SLC25A1: variants seen among roughly 807,000 people sequenced by gnomAD.
The protein encoded by SLC25A1 is solute carrier family 25 member 1.
SLC25A1 carries 26 observed loss-of-function variants against 38.1 expected under a neutral mutation model. The observed-to-expected ratio is 0.68, with a 90% CI of 0.50 to 0.95. SLC25A1 has a LOEUF of 0.95. SLC25A1 is among the 40% of genes least tolerant of loss of function. SLC25A1 has a pLI of 0.00. For synonymous variants in SLC25A1, 211 were observed against 183.2 expected (o/e 1.15, Z -1.23); for missense variants, 378 against 426.6 (o/e 0.89, Z 1.00).
intron 8 of SLC25A1, 26 bp downstream of exon 8, chr22:19,176,394 CA>C (rs1555922263): frequency 6.2e-7 from 1 of 1,608,562 alleles, no homozygotes; most frequent in Non-Finnish European, 8.5e-7. Flanking sequence ...GAGGTGGGGA[CA>C]ATAGCCCTGC....
Position 19,176,062 on chromosome 22 carries a change from A to C in SLC25A1, c.*68T>G, listed in dbSNP as rs1234289525. ...GGCCTTTTGGCACTACTGCACTGGA[A>C]TCGTGAGACAAAGGTAGCAGGACAC... On this transcript the variant is annotated 3_prime_UTR_variant, in exon 9 of 9. Transcript: ENST00000215882. The C allele has an allele frequency of 3.9e-6, 4 of 1,017,222 alleles. No homozygotes were observed. The highest frequency in any genetic ancestry group is 5.6e-6 in the Non-Finnish European group (4 of 716,024). 63.0% of individuals were successfully genotyped at this position (1,017,222 alleles called of 1,614,324 possible).
In SLC25A1 at chr22:19,178,005, A is replaced by G. The variant is rs782646725; in HGVS notation, c.239T>C (p.Val80Ala). ...CVRQTVRSHG[V>A]LGLYRGLSSL... is the part of the protein sequence containing the mutation. ...GCTAAGGCCGCGGTACAGGCCCAGG[A>G]CGCCATGGCTGCGAACCGTCTGCCG... is the stretch of plus-strand genomic sequence containing the variant. Residue 80 changes from valine to alanine, a missense_variant, in exon 3 of 9, where the codon GTC becomes GCC. Physicochemically the swap from Val to Ala is moderately conservative, Grantham distance 64. Coordinates refer to ENST00000215882, the MANE Select transcript of SLC25A1 (RefSeq NM_005984.5). The surrounding 1 kb of genome is among the most constrained non-coding windows in gnomAD (Gnocchi z 4.9). 6.2e-6 allele frequency: 10 copies of G among 1,602,404 alleles called. No individual in the cohort carries two copies. In the South Asian group the frequency reaches 1.1e-4, roughly 18 times the overall value.
intron 4 of SLC25A1, 46 bp downstream of exon 4, chr22:19,177,681 T>G (rs1555922871): frequency 6.3e-7 from 1 of 1,599,426 alleles, no homozygotes; most frequent in African/African-American, 1.3e-5. Context: ...GCCGCCCGTC[T>G]CCGTACTCCC....
At chr22:19,177,006 TTGG>T (rs1265761810) in intron 5 of SLC25A1, 56 bp from the exon 6 acceptor site, 1 of 1,597,918 alleles carries the variant, frequency 6.3e-7, no homozygotes, top group African/African-American at 1.3e-5. Context: ...CGGTTGGGAA[TTGG>T]TGTGTGTGGG....
rs1055622295 is a variant in SLC25A1, at chr22:19,178,127, C to T, written c.202+6G>A. 1 of 1,542,656 alleles carries T rather than the reference C, an allele frequency of 6.5e-7. No homozygotes were observed. The highest frequency in any genetic ancestry group is 8.7e-7 in the Non-Finnish European group (1 of 1,143,970). On this transcript the variant is annotated splice_donor_region_variant and intron_variant, in intron 2 of 8. Coordinates refer to ENST00000215882, the MANE Select transcript of SLC25A1 (RefSeq NM_005984.5). The surrounding 1 kb of genome is among the most constrained non-coding windows in gnomAD (Gnocchi z 4.9). ...CCCCGCGGCGCCGCGGCCTCCCCCT[C>T]CTCACCGATGCCCCGGTACCGCGGC... is the stretch of plus-strand genomic sequence containing the variant.
Position 19,176,894 on chromosome 22 carries a change from G to A in SLC25A1, c.583C>T (p.Gln195Ter), listed in dbSNP as rs2083969707. ...TATVLKQGSN[Q>*]AIRFFVMTSL... ...GTCATGACGAAGAAGCGGATGGCCT[G>A]GTTCGAGCCCTGCTTCAGGACAGTG... Residue 195 changes from glutamine to a stop codon, truncating the protein, a stop_gained, in exon 6 of 9, where the codon CAG becomes TAG. Transcript: ENST00000215882. LOFTEE classifies it high-confidence loss of function. 2 of 1,613,742 alleles carry A rather than the reference G, an allele frequency of 1.2e-6. No individual in the cohort carries two copies. The highest frequency in any genetic ancestry group is 1.3e-5 in the African/African-American group (1 of 74,924).
In SLC25A1 at chr22:19,177,718, C is replaced by T. The variant is rs781820331; in HGVS notation, c.441+9G>A. The T allele has an allele frequency of 4.0e-5, 65 of 1,606,180 alleles. No homozygotes were observed. The highest frequency in any genetic ancestry group is 5.0e-5 in the Non-Finnish European group (59 of 1,179,424). ...GCGTGTCCGGGGTCCTCGCCAGGAC[C>T]TTCCCCACCTTGATGGTCTCCATGG... On this transcript the variant is annotated intron_variant, in intron 4 of 8. Transcript: ENST00000215882.
At position 19,176,464 on chromosome 22, in the gene SLC25A1, ACG is replaced by A; in HGVS notation, c.776_777del (p.Thr259MetfsTer39). Reference sequence around the variant, plus strand: ...TTCAGGATCTGCAAGCCGCAGTCCCACGTGTTCCGGTATTTGTGCGCCTCCAG... The same window carrying A: ...TTCAGGATCTGCAAGCCGCAGTCCCATGTTCCGGTATTTGTGCGCCTCCAG... ...QGLEAHKYRNTWDCGLQILKK... is the reference protein window; with the variant it reads ...QGLEAHKYRNXWDCGLQILKK... On this transcript the variant is annotated frameshift_variant, in exon 8 of 9. Coordinates refer to ENST00000215882, the MANE Select transcript of SLC25A1 (RefSeq NM_005984.5). LOFTEE classifies it high-confidence loss of function. The A allele has an allele frequency of 6.2e-7, 1 of 1,613,726 alleles. No individual in the cohort carries two copies. Among genetic ancestry groups the A allele is most frequent in the South Asian group, 1.1e-5 (1 of 91,080 alleles).
At position 19,178,407 on chromosome 22, in the gene SLC25A1, CA is replaced by C. The variant is rs2084007243; in HGVS notation, c.95-168del. 10 of 1,386,302 alleles carry C rather than the reference CA, an allele frequency of 7.2e-6. No homozygotes were observed. Among genetic ancestry groups the C allele is most frequent in the Non-Finnish European group, 8.4e-6 (9 of 1,075,124 alleles). 85.9% of individuals were successfully genotyped at this position (1,386,302 alleles called of 1,614,324 possible). On this transcript the variant is annotated intron_variant, in intron 1 of 8. Coordinates refer to ENST00000215882, the MANE Select transcript of SLC25A1 (RefSeq NM_005984.5). The surrounding 1 kb of genome is among the most constrained non-coding windows in gnomAD (Gnocchi z 4.9). Reference sequence around the variant, plus strand: ...CTCACCCCGTTGTCCCGGCGAGGCGCAGGGGGTGACAGACGGGAGGCGGGCG... The same window carrying C: ...CTCACCCCGTTGTCCCGGCGAGGCGCGGGGGTGACAGACGGGAGGCGGGCG...
In SLC25A1 at chr22:19,178,529, G is replaced by T; in HGVS notation, c.94+51C>A. 1 of 1,295,670 alleles carries T rather than the reference G, an allele frequency of 7.7e-7. No homozygotes were observed. The highest frequency in any genetic ancestry group is 1.6e-5 in the African/African-American group (1 of 64,266). 80.3% of individuals were successfully genotyped at this position (1,295,670 alleles called of 1,614,324 possible). ...GTGGGGCGGGGCCTCAGCGTCCCGG[G>T]CCCACCCAGAAGCGCGGCGGGAGAG... is the stretch of plus-strand genomic sequence containing the variant. On this transcript the variant is annotated intron_variant, in intron 1 of 8. Coordinates refer to ENST00000215882, the MANE Select transcript of SLC25A1 (RefSeq NM_005984.5). This position sits in a 1 kb window ranked among gnomAD's most constrained non-coding sequence, Gnocchi z 4.9.
At position 19,178,179 on chromosome 22, in the gene SLC25A1, C is replaced by G; in HGVS notation, c.156G>C (p.Gln52His). Residue 52 changes from glutamine (Q) to histidine (H), a missense_variant, in exon 2 of 9, where the codon CAG (glutamine) becomes CAC (histidine). Gln to His is a conservative substitution (Grantham distance 24). Transcript: ENST00000215882. The surrounding 1 kb of genome is among the most constrained non-coding windows in gnomAD (Gnocchi z 4.9). ...ITFPTEYVKT[Q>H]LQLDERSHPP... ...GGTGCGAGCGCTCGTCCAGCTGCAG[C>G]TGCGTCTTCACGTACTCGGTGGGGA... 6.4e-7 allele frequency: 1 copy of G among 1,552,948 alleles called. No individual in the cohort carries two copies. Among genetic ancestry groups the G allele is most frequent in the Non-Finnish European group, 8.7e-7 (1 of 1,149,200 alleles).
chr22:19,177,366 C>G (rs182529461), intron 4 of SLC25A1, among the ~76,000 whole-genome samples, 162 bp from the exon 5 acceptor site: 3 of 149,228 alleles, frequency 2.0e-5, no homozygotes, highest in African/African-American at 7.3e-5. Context: ...GACCATGCCC[C>G]GGGACACAGG....
intron 4 of SLC25A1, among the ~76,000 whole-genome samples, 177 bp downstream of exon 4, chr22:19,177,550 G>A (rs2083980292): frequency 6.6e-6 from 1 of 152,176 alleles, no homozygotes; most frequent in African/African-American, 2.4e-5. Flanking sequence ...CAGCCTCCAC[G>A]GGTGGCCCTT....
In SLC25A1 at chr22:19,176,151, G is replaced by A; in HGVS notation, c.915C>T (p.Asn305=). Residue 305 remains asparagine (N), a synonymous_variant, in exon 9 of 9, where the codon AAC becomes AAT. Transcript: ENST00000215882. ...VIYDEVVKLL[N]KVWKTD Reference sequence around the variant, plus strand: ...AGGCTTAGTCCGTCTTCCACACTTTGTTGAGCAGCTTCACCACTTCATCAT... The same window carrying A: ...AGGCTTAGTCCGTCTTCCACACTTTATTGAGCAGCTTCACCACTTCATCAT... 1 of 1,613,920 alleles carries A rather than the reference G, an allele frequency of 6.2e-7. No individual in the cohort carries two copies. Among genetic ancestry groups the A allele is most frequent in the Middle Eastern group, 1.7e-4 (1 of 6,040 alleles).
chr22:19,177,694 C>A (rs2083985391), intron 4 of SLC25A1, 33 bp downstream of exon 4: 1 of 1,602,400 alleles, frequency 6.2e-7, no homozygotes, highest in African/African-American at 1.3e-5. Context: ...GTACTCCCTG[C>A]GTGTCCGGGG....
chr22:19,177,811 C>T lies in SLC25A1; in HGVS notation c.357G>A (p.Leu119=), dbSNP rs1306032236. The change falls in exon 4 of 9, where the codon CTG becomes CTA. Residue 119 remains leucine, a synonymous_variant. Transcript: ENST00000215882. ...CGCACAGCAGCCCACGCGTGCTGTCCAGCCGTCCCTGGGCATCCCGCATGT... is the reference window on the plus strand; with the variant it reads ...CGCACAGCAGCCCACGCGTGCTGTCTAGCCGTCCCTGGGCATCCCGCATGT... ...SNHMRDAQGR[L]DSTRGLLCGL... 1 of 1,610,860 alleles carries T rather than the reference C, an allele frequency of 6.2e-7. No individual in the cohort carries two copies. Among genetic ancestry groups the T allele is most frequent in the Non-Finnish European group, 8.5e-7 (1 of 1,179,350 alleles).
At position 19,178,544 on chromosome 22, in the gene SLC25A1, C is replaced by A; in HGVS notation, c.94+36G>T. 1 of 1,257,544 alleles carries A rather than the reference C, an allele frequency of 8.0e-7. No homozygotes were observed. The highest frequency in any genetic ancestry group is 1.0e-6 in the Non-Finnish European group (1 of 1,002,440). The allele number at this position is 1,257,544 out of a possible 1,614,324, so 77.9% of individuals were successfully genotyped here. ...AGCGTCCCGGGCCCACCCAGAAGCG[C>A]GGCGGGAGAGGGGTCCGCGTCCCGG... On this transcript the variant is annotated intron_variant, in intron 1 of 8. Coordinates refer to ENST00000215882, the MANE Select transcript of SLC25A1 (RefSeq NM_005984.5). This position sits in a 1 kb window ranked among gnomAD's most constrained non-coding sequence, Gnocchi z 4.9.
In SLC25A1 at chr22:19,176,263, G is replaced by A. The variant is rs200365897; in HGVS notation, c.822-19C>T. The A allele has an allele frequency of 1.7e-4, 272 of 1,595,216 alleles. 4 individuals carry two copies. In the South Asian group the frequency reaches 2.8e-3, roughly 16 times the overall value. On this transcript the variant is annotated intron_variant, in intron 8 of 8. Coordinates refer to ENST00000215882, the MANE Select transcript of SLC25A1 (RefSeq NM_005984.5). ...GTAGAATCTGGGTGGGAGGAGGGGC[G>A]GGGAGAGGAAGGCAGGTCAGCACAG... is the stretch of plus-strand genomic sequence containing the variant.
At chr22:19,177,005 A>C in intron 5 of SLC25A1, 55 bp from the exon 6 acceptor site, 1 of 1,598,694 alleles carries the variant, frequency 6.3e-7, no homozygotes, top group Non-Finnish European at 8.6e-7. Context: ...CCGGTTGGGA[A>C]TTGGTGTGTG....
Sources: gnomAD v4.1 joint callset for allele counts (sites outside exome capture counted in the v4.1 genomes callset) on GRCh38, gnomAD v4.1.1 for gene constraint, Gnocchi (gnomAD v3.1) non-coding constraint, MANE v1.5 for transcripts, NCBI Gene and HGNC (gene_info 2026-07-23, HGNC 2026-07-21) for gene names.